CLASP2: variants seen among roughly 807,000 people sequenced by gnomAD.
The protein encoded by CLASP2 is cytoplasmic linker associated protein 2.
In CLASP2, 47 loss-of-function variants were observed where a neutral mutation model predicts 194.4. That is an observed-to-expected ratio of 0.24 (90% CI 0.19 to 0.31). CLASP2 has a LOEUF of 0.31. CLASP2 is among the 10% of genes least tolerant of loss of function. CLASP2 has a pLI of 1.00. For synonymous variants in CLASP2, 619 were observed against 633.5 expected, an observed-to-expected ratio of 0.98 and a Z score of 0.34; for missense variants, 1,445 against 1,823.6, an observed-to-expected ratio of 0.79 and a Z score of 3.78.
At chr3:33,578,130 T>C (rs1468407570) in intron 23 of CLASP2, among the ~76,000 whole-genome samples, 1 of 152,210 alleles carries the variant, frequency 6.6e-6, no homozygotes, top group Non-Finnish European at 1.5e-5. Flanking sequence ...CCTTAAACAG[T>C]AGATGTACCA....
At chr3:33,507,639 G>A (rs1019530101) in intron 37 of CLASP2, among the ~76,000 whole-genome samples, 5 of 151,922 alleles carry the variant, frequency 3.3e-5, no homozygotes, top group East Asian at 1.9e-4. Flanking sequence ...ATGCCATCAC[G>A]CCTGGCTAAT....
At chr3:33,640,258 T>C (rs1487863274) in intron 8 of CLASP2, among the ~76,000 whole-genome samples, 2 of 152,304 alleles carry the variant, frequency 1.3e-5, no homozygotes, top group Non-Finnish European at 1.5e-5. Flanking sequence ...CTTTATTTGG[T>C]CAAAAGAAAA....
intron 10 of CLASP2, among the ~76,000 whole-genome samples, chr3:33,625,589 G>A (rs886799258): frequency 6.8e-5 from 10 of 146,692 alleles, no homozygotes; most frequent in Non-Finnish European, 1.2e-4. Flanking sequence ...TTTACAAAAA[G>A]AGTAGGGGAA....
chr3:33,515,184 T>C (rs2050953245), intron 36 of CLASP2, among the ~76,000 whole-genome samples: 1 of 152,118 alleles, frequency 6.6e-6, no homozygotes, highest in Non-Finnish European at 1.5e-5. Context: ...CTTATTCATA[T>C]AACCAAACAC....
At chr3:33,654,032 C>CAAAA (rs11456253) in intron 7 of CLASP2, among the ~76,000 whole-genome samples, 4,719 of 118,534 alleles carry the variant, frequency 0.04, 175 homozygotes, top group African/African-American at 0.11. Context: ...TCTGAACTGT[C>CAAAA]AAAAAAAAAA....
At chr3:33,516,318 TTTATATTATAC>T (rs1163175115) in intron 35 of CLASP2, among the ~76,000 whole-genome samples, 167 bp from the exon 36 acceptor site, 1 of 152,178 alleles carries the variant, frequency 6.6e-6, no homozygotes, top group Non-Finnish European at 1.5e-5. Flanking sequence ...TAATTGAAAA[TTTATATTATAC>T]TTATTTTATT....
intron 8 of CLASP2, among the ~76,000 whole-genome samples, chr3:33,641,790 A>G (rs1295741276): frequency 3.2e-5 from 1 of 31,394 alleles, no homozygotes; most frequent in Non-Finnish European, 6.0e-5. Context: ...ACTTGAAAAG[A>G]GATTTGTCAA....
chr3:33,659,184 T>C lies in CLASP2; in HGVS notation c.715+4261A>G, dbSNP rs766640672. 127 of 1,371,930 alleles carry C rather than the reference T, an allele frequency of 9.3e-5. 1 individual carries two copies. Among genetic ancestry groups the C allele is most frequent in the Non-Finnish European group, 1.1e-4 (114 of 1,065,848 alleles). The allele number at this position is 1,371,930 out of a possible 1,614,324, so 85.0% of individuals were successfully genotyped here. Reference sequence around the variant, plus strand: ...CACTTCAAAATAAAAGTCTGGGGTCTTGCTGAAAACCCTCGTTTATTTAGC... The same window carrying C: ...CACTTCAAAATAAAAGTCTGGGGTCCTGCTGAAAACCCTCGTTTATTTAGC... On this transcript the variant is annotated intron_variant, in intron 7 of 38. Coordinates refer to ENST00000682230, the MANE Select transcript of CLASP2 (RefSeq NM_001365631.1).
intron 29 of CLASP2, chr3:33,554,788 T>C (rs933187534): frequency 1.3e-5 from 2 of 153,158 alleles, no homozygotes; most frequent in African/African-American, 4.8e-5. Flanking sequence ...CACATGAAGA[T>C]TTCTACAGAA....
intron 22 of CLASP2, among the ~76,000 whole-genome samples, chr3:33,584,226 C>A (rs2066826372): frequency 6.6e-6 from 1 of 150,680 alleles, no homozygotes; most frequent in Non-Finnish European, 1.5e-5. Flanking sequence ...CTTTAAAGTA[C>A]TAGCTATATT....
At chr3:33,641,557 C>T (rs770522811) in intron 8 of CLASP2, among the ~76,000 whole-genome samples, 3 of 151,308 alleles carry the variant, frequency 2.0e-5, no homozygotes, top group Non-Finnish European at 3.0e-5. Context: ...GGGTGGCATA[C>T]GAAGGCCAAA....
At chr3:33,538,711 CAGAA>C in intron 33 of CLASP2, 74 bp downstream of exon 33, 1 of 1,242,018 alleles carries the variant, frequency 8.1e-7, no homozygotes. Context: ...TCAAAAATGA[CAGAA>C]AGCAAAATGT....
chr3:33,680,611 C>A (rs1278052987), intron 6 of CLASP2, among the ~76,000 whole-genome samples: 2 of 151,650 alleles, frequency 1.3e-5, no homozygotes, highest in African/African-American at 4.9e-5. Context: ...AAGTTAAAGA[C>A]CAGCCTGGAC....
intron 16 of CLASP2, among the ~76,000 whole-genome samples, chr3:33,605,583 A>T (rs981596856): frequency 1.3e-5 from 2 of 152,088 alleles, no homozygotes; most frequent in African/African-American, 4.8e-5. Context: ...GAAACCGGCA[A>T]TCTTTGTGGT....
At chr3:33,556,757 G>A (rs2061009751) in intron 29 of CLASP2, among the ~76,000 whole-genome samples, 1 of 151,754 alleles carries the variant, frequency 6.6e-6, no homozygotes, top group Non-Finnish European at 1.5e-5. Context: ...TTTCCCTCAT[G>A]GATTTGCTAA....
chr3:33,622,040 T>C (rs1323070402), intron 11 of CLASP2, 95 bp downstream of exon 11: 3 of 921,996 alleles, frequency 3.3e-6, no homozygotes, highest in Non-Finnish European at 4.6e-6. Context: ...TATACTTTTT[T>C]AGCTATCTTG....
intron 1 of CLASP2, among the ~76,000 whole-genome samples, chr3:33,707,503 A>C (rs2092744067): frequency 6.6e-6 from 1 of 152,194 alleles, no homozygotes; most frequent in Admixed American, 6.5e-5. Flanking sequence ...CAGAATTCAA[A>C]TATCACCATT....
intron 38 of CLASP2, 127 bp downstream of exon 38, chr3:33,501,525 G>A (rs1324159573): frequency 1.7e-6 from 1 of 597,244 alleles, no homozygotes; most frequent in Non-Finnish European, 3.0e-6. Flanking sequence ...AAATAATAAG[G>A]GCAAGTTGGA....
At chr3:33,595,604 CTGTG>C (rs1364866971) in intron 19 of CLASP2, among the ~76,000 whole-genome samples, 1 of 151,952 alleles carries the variant, frequency 6.6e-6, no homozygotes, top group African/African-American at 2.4e-5. Flanking sequence ...TAATATACGT[CTGTG>C]TATTTTTTTT....
Sources: allele counts gnomAD v4.1 joint callset (sites outside exome capture counted in the v4.1 genomes callset), GRCh38; gene constraint gnomAD v4.1.1; transcripts MANE v1.5; gene names NCBI Gene and HGNC (gene_info 2026-07-23, HGNC 2026-07-21).